H2AZ2: variants seen among roughly 807,000 people sequenced by gnomAD.
H2AZ2 encodes the protein H2A.Z variant histone 2.
A neutral mutation model predicts 15.5 loss-of-function variants in H2AZ2; 5 were observed. That is an observed-to-expected ratio of 0.32 (90% CI 0.17 to 0.68). The LOEUF (loss-of-function observed/expected upper bound fraction) is 0.68. H2AZ2 is among the 30% of genes least tolerant of loss of function. The probability of loss-of-function intolerance (pLI) is 0.72; values close to 1 mark genes in which losing one functional copy is unlikely to be tolerated. For synonymous variants in H2AZ2, 44 were observed against 57.4 expected, an observed-to-expected ratio of 0.77 and a Z score of 1.05; for missense variants, 42 against 162.5, an observed-to-expected ratio of 0.26 and a Z score of 4.03.
downstream of H2AZ2, among the ~76,000 whole-genome samples, chr7:44,831,713 C>T (rs911077116): frequency 4.6e-5 from 7 of 152,148 alleles, no homozygotes; most frequent in African/African-American, 1.7e-4. Context: ...CTAATAGATG[C>T]AGAAGGAATG....
chr7:44,843,129 C>T (rs1793312743), intron 2 of H2AZ2, 148 bp downstream of exon 2: 1 of 363,164 alleles, frequency 2.8e-6, no homozygotes, highest in Admixed American at 7.5e-5. Context: ...CAGAGTGAGA[C>T]TCTGTCTCAA....
chr7:44,831,882 A>C (rs532759754), downstream of H2AZ2, among the ~76,000 whole-genome samples: 1 of 152,296 alleles, frequency 6.6e-6, no homozygotes, highest in African/African-American at 2.4e-5. Context: ...TTAATGTTAC[A>C]AGATGAGAGC....
Position 44,832,656 on chromosome 7 carries a change from C to T in H2AZ2, c.*1845G>A, listed in dbSNP as rs902609609. ...TTAACTAGTACATTAACTCAAGTAACAGTTACTTAGCGCAGGGCATGGTGG... is the reference window on the plus strand; with the variant it reads ...TTAACTAGTACATTAACTCAAGTAATAGTTACTTAGCGCAGGGCATGGTGG... On this transcript the variant is annotated 3_prime_UTR_variant, in exon 5 of 5. Coordinates refer to ENST00000308153, the MANE Select transcript of H2AZ2 (RefSeq NM_012412.5). Among the ~76,000 whole-genome samples the T allele has an allele frequency of 9.2e-5, 14 of 152,092 alleles. No individual in the cohort carries two copies. Among genetic ancestry groups the T allele is most frequent in the Non-Finnish European group, 1.5e-4 (10 of 68,018 alleles).
Position 44,834,151 on chromosome 7 carries a change from C to T in H2AZ2, c.*350G>A, listed in dbSNP as rs1375004085. The T allele has an allele frequency of 9.1e-6, 9 of 985,498 alleles. No individual in the cohort carries two copies. Among genetic ancestry groups the T allele is most frequent in the Non-Finnish European group, 1.1e-5 (9 of 817,720 alleles). 61.0% of individuals were successfully genotyped at this position (985,498 alleles called of 1,614,324 possible). Reference sequence around the variant, plus strand: ...CTGTTCTAAGGTTACTCTGAATAACCAATCTGAGATTTAAAATATTTAAAG... The same window carrying T: ...CTGTTCTAAGGTTACTCTGAATAACTAATCTGAGATTTAAAATATTTAAAG... On this transcript the variant is annotated 3_prime_UTR_variant, in exon 5 of 5. Transcript: ENST00000308153.
At chr7:44,845,335 GCTCT>G (rs564002435) in intron 1 of H2AZ2, among the ~76,000 whole-genome samples, 2 of 152,060 alleles carry the variant, frequency 1.3e-5, no homozygotes, top group Non-Finnish European at 2.9e-5. Context: ...GAACTGAGAC[GCTCT>G]CTATTTCTAC....
Position 44,834,210 on chromosome 7 carries a change from G to A in H2AZ2, c.*291C>T. The A allele has an allele frequency of 8.6e-7, 1 of 1,157,526 alleles. No homozygotes were observed. The highest frequency in any genetic ancestry group is 1.1e-6 in the Non-Finnish European group (1 of 934,206). 71.7% of individuals were successfully genotyped at this position (1,157,526 alleles called of 1,614,324 possible). On this transcript the variant is annotated 3_prime_UTR_variant, in exon 5 of 5. Transcript: ENST00000308153. Reference sequence around the variant, plus strand: ...AAATATTTCTAATACATCATGAACAGAACAGTTTTGAGACAAATTAATTTT... The same window carrying A: ...AAATATTTCTAATACATCATGAACAAAACAGTTTTGAGACAAATTAATTTT...
intron 2 of H2AZ2, among the ~76,000 whole-genome samples, chr7:44,842,676 A>T (rs1282567112): frequency 6.6e-6 from 1 of 152,178 alleles, no homozygotes; most frequent in Non-Finnish European, 1.5e-5. Context: ...CTTAAAATAA[A>T]TTCTAATTGG....
rs1583710203 is a variant in H2AZ2, at chr7:44,833,545, T to C, written c.*956A>G. On this transcript the variant is annotated 3_prime_UTR_variant, in exon 5 of 5. Transcript: ENST00000308153. ...CCACCGCGCCTGGCCGAGACGGCGT[T>C]TTACCATGTTGGCCAGGCTGGTCTC... The C allele has an allele frequency of 3.2e-6, 1 of 310,950 alleles. No homozygotes were observed. The highest frequency in any genetic ancestry group is 2.3e-5 in the African/African-American group (1 of 44,422). 19.3% of individuals were successfully genotyped at this position (310,950 alleles called of 1,614,324 possible).
At position 44,833,717 on chromosome 7, in the gene H2AZ2, T is replaced by G; in HGVS notation, c.*784A>C. ...ACTGAACATCAATTCCAGGTAAAAC[T>G]AGGCTCTGGAGTCAGCCAGATCTAG... On this transcript the variant is annotated 3_prime_UTR_variant, in exon 5 of 5. Transcript: ENST00000308153. 1.0e-6 allele frequency: 1 copy of G among 984,730 alleles called. No individual in the cohort carries two copies. The highest frequency in any genetic ancestry group is 1.2e-6 in the Non-Finnish European group (1 of 829,260). The allele number at this position is 984,730 out of a possible 1,614,324, so 61.0% of individuals were successfully genotyped here.
At chr7:44,830,765 A>C (rs1792988069), downstream of H2AZ2, among the ~76,000 whole-genome samples, 1 of 152,216 alleles carries the variant, frequency 6.6e-6, no homozygotes, top group South Asian at 2.1e-4. Flanking sequence ...TGGGAGGCTG[A>C]GGCGGGTGGA....
chr7:44,845,383 T>C (rs998255433), intron 1 of H2AZ2, among the ~76,000 whole-genome samples: 3 of 152,198 alleles, frequency 2.0e-5, no homozygotes, highest in Admixed American at 6.5e-5. Context: ...TTTTTGACTA[T>C]GTTGTTATAT....
intron 2 of H2AZ2, 45 bp from the exon 3 acceptor site, chr7:44,841,057 A>G (rs954534498): frequency 1.5e-6 from 2 of 1,361,214 alleles, no homozygotes; most frequent in African/African-American, 1.4e-5. Flanking sequence ...GAGTCTTAAC[A>G]TTGCACTGAC....
intron 1 of H2AZ2, among the ~76,000 whole-genome samples, chr7:44,847,309 G>T (rs183852720): frequency 6.6e-6 from 1 of 152,128 alleles, no homozygotes; most frequent in Admixed American, 6.6e-5. Flanking sequence ...CTGAATTTCA[G>T]AATGAAAAGA....
At chr7:44,845,338 C>T (rs532655460) in intron 1 of H2AZ2, among the ~76,000 whole-genome samples, 7 of 152,244 alleles carry the variant, frequency 4.6e-5, no homozygotes, top group Admixed American at 2.0e-4. Flanking sequence ...CTGAGACGCT[C>T]TCTATTTCTA....
In H2AZ2 at chr7:44,832,736, C is replaced by T. The variant is rs1793021743; in HGVS notation, c.*1765G>A. ...GGCCAAGGTGGGAGGATGGCTTGAG[C>T]CAGGAGTTCAATACCAACCTGGGCA... On this transcript the variant is annotated 3_prime_UTR_variant, in exon 5 of 5. Coordinates refer to ENST00000308153, the MANE Select transcript of H2AZ2 (RefSeq NM_012412.5). 1.3e-5 allele frequency among the ~76,000 whole-genome samples: 2 copies of T among 152,058 alleles called. No individual in the cohort carries two copies. Among genetic ancestry groups the T allele is most frequent in the South Asian group, 4.1e-4 (2 of 4,824 alleles).
chr7:44,834,920 C>A (rs1166154369), intron 4 of H2AZ2: 1 of 177,588 alleles, frequency 5.6e-6, no homozygotes, highest in Admixed American at 5.6e-5. Flanking sequence ...GTAGCTGGGA[C>A]TACAGGTGTG....
chr7:44,840,252 A>G (rs958141209), intron 3 of H2AZ2, among the ~76,000 whole-genome samples: 15 of 152,174 alleles, frequency 9.9e-5, no homozygotes, highest in Non-Finnish European at 1.5e-4. Flanking sequence ...TAACTTTTAA[A>G]AATTTTTTTA....
intron 4 of H2AZ2, chr7:44,835,030 C>T (rs948014962): frequency 1.2e-5 from 2 of 161,074 alleles, no homozygotes; most frequent in Non-Finnish European, 2.7e-5. Flanking sequence ...TGATCCGGGG[C>T]CTCTCAGCCT....
At chr7:44,846,058 C>CAGAGAGAG (rs1278378854) in intron 1 of H2AZ2, among the ~76,000 whole-genome samples, 54 of 92,738 alleles carry the variant, frequency 5.8e-4, no homozygotes, top group Middle Eastern at 5.7e-3. Flanking sequence ...CACACACACA[C>CAGAGAGAG]ACACAGAGAG....
Sources: gnomAD v4.1 joint callset for allele counts (sites outside exome capture counted in the v4.1 genomes callset) on GRCh38, gnomAD v4.1.1 for gene constraint, MANE v1.5 for transcripts, NCBI Gene and HGNC (gene_info 2026-07-23, HGNC 2026-07-21) for gene names.